EPS15: variants seen among roughly 807,000 people sequenced by gnomAD.
EPS15 encodes epidermal growth factor receptor pathway substrate 15.
In EPS15, 72 loss-of-function variants were observed where a neutral mutation model predicts 113.8. The ratio of observed to expected loss-of-function variants is 0.63; its 90% confidence interval spans 0.52 to 0.77. The LOEUF (loss-of-function observed/expected upper bound fraction) is 0.77, where lower values mean the gene tolerates loss of function less well. EPS15 is among the 30% of genes least tolerant of loss of function. EPS15 has a pLI of 0.00. For missense variants in EPS15, 1,048 were observed against 1,045.8 expected (o/e 1.00, Z -0.03); for synonymous variants, 344 against 363.4 (o/e 0.95, Z 0.61).
rs1648790358 is a variant in EPS15 at position 51,403,534 on chromosome 1, TAC to T, written c.1678-4_1678-3del. The T allele has an allele frequency of 6.6e-7, 1 of 1,516,118 alleles. No individual in the cohort carries two copies. Among genetic ancestry groups the T allele is most frequent in the African/African-American group, 1.4e-5 (1 of 72,042 alleles). 93.9% of individuals were successfully genotyped at this position (1,516,118 alleles called of 1,614,324 possible). ...CAGTAGTTCAGGACTACTTCTTGCC[TAC>T]AAAATATTAATGCAAGTAGATTAAC... On this transcript the variant is annotated splice_region_variant and splice_polypyrimidine_tract_variant and intron_variant, in intron 16 of 24. Coordinates refer to ENST00000371733, the MANE Select transcript of EPS15 (RefSeq NM_001981.3).
Position 51,361,386 on chromosome 1 carries a change from C to T in EPS15, c.2360-31G>A, listed in dbSNP as rs115961628. 199 of 1,521,722 alleles carry T rather than the reference C, an allele frequency of 1.3e-4. No homozygotes were observed. The African/African-American group carries it at 2.5e-3, about 19-fold the overall frequency. The allele number at this position is 1,521,722 out of a possible 1,614,324, so 94.3% of individuals were successfully genotyped here. A position where few individuals can be genotyped will look rare whatever the true frequency, so the allele number is the denominator to read the frequency against. On this transcript the variant is annotated intron_variant, in intron 23 of 24. Coordinates refer to ENST00000371733, the MANE Select transcript of EPS15 (RefSeq NM_001981.3). The stretch of plus-strand genomic sequence containing the variant: ...TCAAAATCATTACAATTAATTCAAC[C>T]AGTAAATACAGCAAATACAAGCACA...
At chr1:51,408,112 T>C in intron 15 of EPS15, 23 bp downstream of exon 15, 1 of 1,599,896 alleles carries the variant, frequency 6.3e-7, no homozygotes, top group Non-Finnish European at 8.6e-7. Context: ...TTTGAATATA[T>C]TTCTTGCTTT....
intron 16 of EPS15, among the ~76,000 whole-genome samples, chr1:51,404,103 T>A (rs1570220651): frequency 6.6e-6 from 1 of 151,900 alleles, no homozygotes; most frequent in East Asian, 1.9e-4. Context: ...TCCCAGCACT[T>A]TGGGAGGCCG....
chr1:51,387,444 G>C (rs538508794), intron 21 of EPS15, among the ~76,000 whole-genome samples: 1 of 151,456 alleles, frequency 6.6e-6, no homozygotes, highest in South Asian at 2.1e-4. Context: ...ACATCATAAC[G>C]ACAGGATCAA....
At chr1:51,383,948 T>C (rs1156300497) in intron 21 of EPS15, among the ~76,000 whole-genome samples, 2 of 152,010 alleles carry the variant, frequency 1.3e-5, no homozygotes, top group African/African-American at 4.8e-5. Context: ...ATACCAACAA[T>C]GAACAATCTG....
chr1:51,390,567 C>A (rs908955711), intron 21 of EPS15, among the ~76,000 whole-genome samples: 4 of 151,828 alleles, frequency 2.6e-5, no homozygotes, highest in Admixed American at 2.0e-4. Context: ...ACCTACTCAT[C>A]TGACAAAGGG....
intron 12 of EPS15, among the ~76,000 whole-genome samples, chr1:51,435,352 C>T (rs1293604268): frequency 6.6e-6 from 1 of 151,982 alleles, no homozygotes; most frequent in Non-Finnish European, 1.5e-5. Flanking sequence ...CGCCACCACG[C>T]CTGGCTAATT....
At chr1:51,506,456 A>G (rs1445010007) in intron 1 of EPS15, among the ~76,000 whole-genome samples, 1 of 152,202 alleles carries the variant, frequency 6.6e-6, no homozygotes, top group Admixed American at 6.5e-5. Context: ...TCAAACAGAC[A>G]TAAGTGCTCA....
chr1:51,464,534 A>G (rs571128374), intron 6 of EPS15, among the ~76,000 whole-genome samples: 1 of 151,988 alleles, frequency 6.6e-6, no homozygotes, highest in Non-Finnish European at 1.5e-5. Context: ...GCCACAAATA[A>G]ATTTTTAAAA....
chr1:51,470,475 T>C (rs1655155113), intron 4 of EPS15, among the ~76,000 whole-genome samples: 1 of 151,704 alleles, frequency 6.6e-6, no homozygotes, highest in South Asian at 2.1e-4. Context: ...TGAAACCCCA[T>C]CTCTACTAAA....
rs11554033 is a variant in EPS15, at chr1:51,354,653, C to T, written c.*2047G>A. The stretch of plus-strand genomic sequence containing the variant: ...AGTCAACAACATAAAATACCACAAA[C>T]GACTCTAAGACATTCATCCTACACA... On this transcript the variant is annotated 3_prime_UTR_variant, in exon 25 of 25. Transcript: ENST00000371733. 13,147 of 182,964 alleles carry T rather than the reference C, an allele frequency of 0.072. 589 individuals carry two copies. Among genetic ancestry groups the T allele is most frequent in the African/African-American group, 0.086 (3,675 of 42,556 alleles). 11.3% of individuals were successfully genotyped at this position (182,964 alleles called of 1,614,324 possible).
chr1:51,419,226 GC>G (rs1379755289), intron 13 of EPS15, among the ~76,000 whole-genome samples: 1 of 152,038 alleles, frequency 6.6e-6, no homozygotes. Context: ...TCTCATACAA[GC>G]TAACAGTGAT....
intron 11 of EPS15, among the ~76,000 whole-genome samples, chr1:51,440,831 C>T (rs907438931): frequency 6.6e-6 from 1 of 152,042 alleles, no homozygotes; most frequent in Non-Finnish European, 1.5e-5. Context: ...TATAAACTGG[C>T]TGAGAGTAAA....
At chr1:51,366,072 A>ATTT in intron 21 of EPS15, 43 bp from the exon 22 acceptor site, 10 of 1,178,424 alleles carry the variant, frequency 8.5e-6, no homozygotes, top group Admixed American at 2.3e-5. Context: ...ACAGTAAGAC[A>ATTT]TTTTTTTTTT....
At chr1:51,424,670 G>A (rs1013885385) in intron 12 of EPS15, among the ~76,000 whole-genome samples, 2 of 152,096 alleles carry the variant, frequency 1.3e-5, no homozygotes, top group African/African-American at 2.4e-5. Context: ...TTGGGAGGCC[G>A]AGGTGGATGG....
chr1:51,401,515 T>C (rs760749171), intron 18 of EPS15, among the ~76,000 whole-genome samples: 32 of 152,298 alleles, frequency 2.1e-4, no homozygotes, highest in Admixed American at 3.9e-4. Flanking sequence ...AGCAAAACTA[T>C]AAAACTCTTA....
At chr1:51,372,073 G>A (rs1646670036) in intron 21 of EPS15, among the ~76,000 whole-genome samples, 2 of 152,202 alleles carry the variant, frequency 1.3e-5, no homozygotes, top group South Asian at 4.1e-4. Flanking sequence ...TACACTTTCT[G>A]ATGTTCCCCT....
In EPS15 at chr1:51,519,244, A is replaced by T; in HGVS notation, c.-13T>A. The T allele has an allele frequency of 8.6e-7, 1 of 1,161,988 alleles. No homozygotes were observed. Among genetic ancestry groups the T allele is most frequent in the Non-Finnish European group, 1.1e-6 (1 of 917,118 alleles). The allele number at this position is 1,161,988 out of a possible 1,614,324, so 72.0% of individuals were successfully genotyped here. On this transcript the variant is annotated 5_prime_UTR_variant, in exon 1 of 25. An upstream start codon of the reference 5' UTR is lost. Coordinates refer to ENST00000371733, the MANE Select transcript of EPS15 (RefSeq NM_001981.3). Reference sequence around the variant, plus strand: ...CCGCCGCAGCCATGGTGTTTCCATCATGCAAGGGAGGGGAAGGAAGACGGG... The same window carrying T: ...CCGCCGCAGCCATGGTGTTTCCATCTTGCAAGGGAGGGGAAGGAAGACGGG...
chr1:51,483,777 G>C (rs1216187259), intron 1 of EPS15, among the ~76,000 whole-genome samples: 1 of 150,972 alleles, frequency 6.6e-6, no homozygotes, highest in Non-Finnish European at 1.5e-5. Flanking sequence ...CTGCACTCCA[G>C]CCTAGCAAAA....
Sources: gnomAD v4.1 joint callset for allele counts (sites outside exome capture counted in the v4.1 genomes callset) on GRCh38, gnomAD v4.1.1 for gene constraint, MANE v1.5 for transcripts, NCBI Gene and HGNC (gene_info 2026-07-23, HGNC 2026-07-21) for gene names.